CDH18: variants seen among roughly 807,000 people sequenced by gnomAD.
CDH18 encodes the protein cadherin 18.
A neutral mutation model predicts 67.9 loss-of-function variants in CDH18; 31 were observed. That is an observed-to-expected ratio of 0.46 (90% CI 0.34 to 0.62). The LOEUF (loss-of-function observed/expected upper bound fraction) is 0.62, where lower values mean the gene tolerates loss of function less well. CDH18 is among the 20% of genes least tolerant of loss of function. CDH18 has a pLI of 0.01. For missense variants in CDH18, 890 were observed against 975.5 expected (o/e 0.91, Z 1.17); for synonymous variants, 362 against 347.2 (o/e 1.04, Z -0.48).
At chr5:20,219,374 C>T (rs1000348201) in intron 2 of CDH18, among the ~76,000 whole-genome samples, 2 of 151,810 alleles carry the variant, frequency 1.3e-5, no homozygotes, top group African/African-American at 4.8e-5. Flanking sequence ...ACAATGTCAA[C>T]ACTGCTGAAT....
intron 2 of CDH18, among the ~76,000 whole-genome samples, chr5:19,902,199 T>C (rs1436527985): frequency 1.3e-5 from 2 of 152,148 alleles, no homozygotes; most frequent in Non-Finnish European, 1.5e-5. Flanking sequence ...GTCTTAAAAA[T>C]AGAACGACAC....
intron 1 of CDH18, among the ~76,000 whole-genome samples, chr5:20,316,215 G>C (rs1489936049): frequency 2.0e-5 from 3 of 152,140 alleles, no homozygotes; most frequent in South Asian, 2.1e-4. Context: ...AAATCCATGA[G>C]TTTAAATATT....
intron 1 of CDH18, among the ~76,000 whole-genome samples, chr5:20,462,137 A>C (rs1227384942): frequency 6.6e-6 from 1 of 152,210 alleles, no homozygotes; most frequent in Non-Finnish European, 1.5e-5. Context: ...TCATTGAATA[A>C]ATGAATAAAG....
intron 8 of CDH18, among the ~76,000 whole-genome samples, chr5:19,551,192 T>G (rs543492064): frequency 6.6e-6 from 1 of 152,206 alleles, no homozygotes; most frequent in East Asian, 1.9e-4. Context: ...GGGTGAGGGA[T>G]GGGCCACTTA....
intron 2 of CDH18, among the ~76,000 whole-genome samples, chr5:20,215,018 G>C (rs1740647917): frequency 6.6e-6 from 1 of 151,934 alleles, no homozygotes. Context: ...TCATTAAAAA[G>C]TTGGCAAAGG....
intron 3 of CDH18, among the ~76,000 whole-genome samples, chr5:19,759,217 C>T (rs968375426): frequency 2.6e-5 from 4 of 152,198 alleles, no homozygotes; most frequent in African/African-American, 9.6e-5. Context: ...CTCTCATTCT[C>T]CAAGATCCAC....
intron 2 of CDH18, among the ~76,000 whole-genome samples, chr5:20,153,225 G>T (rs1017840083): frequency 1.3e-5 from 2 of 151,902 alleles, no homozygotes; most frequent in African/African-American, 4.8e-5. Context: ...AATCTTAACG[G>T]TTAGCCAGCC....
At chr5:20,305,203 G>A in intron 1 of CDH18, 1 of 1,401,216 alleles carries the variant, frequency 7.1e-7, no homozygotes, top group Admixed American at 1.7e-5. Context: ...TCCTTCCAAA[G>A]GCTTCCCTCC....
At chr5:20,498,149 A>G (rs1037909142) in intron 1 of CDH18, among the ~76,000 whole-genome samples, 1 of 152,234 alleles carries the variant, frequency 6.6e-6, no homozygotes, top group South Asian at 2.1e-4. Context: ...GTGAACCAAG[A>G]CAATCCTTAT....
intron 2 of CDH18, among the ~76,000 whole-genome samples, chr5:19,913,972 T>G (rs1455534711): frequency 6.6e-6 from 1 of 152,136 alleles, no homozygotes; most frequent in Non-Finnish European, 1.5e-5. Context: ...GCGATTATTT[T>G]AGCTTCTATC....
chr5:19,914,817 GACA>G (rs1346897794), intron 2 of CDH18, among the ~76,000 whole-genome samples: 1 of 151,874 alleles, frequency 6.6e-6, no homozygotes, highest in Admixed American at 6.6e-5. Flanking sequence ...AAGAGCTGGA[GACA>G]ACACTTCTAA....
intron 8 of CDH18, among the ~76,000 whole-genome samples, chr5:19,568,979 A>G (rs990858441): frequency 2.0e-5 from 3 of 152,220 alleles, no homozygotes; most frequent in Non-Finnish European, 2.9e-5. Context: ...ATGTTGGAAC[A>G]TATAGAATAA....
At chr5:19,690,901 A>T (rs969578153) in intron 5 of CDH18, among the ~76,000 whole-genome samples, 1 of 151,894 alleles carries the variant, frequency 6.6e-6, no homozygotes, top group African/African-American at 2.4e-5. Flanking sequence ...TGAAGAGTAG[A>T]GAATTCTTCC....
chr5:20,291,409 G>A (rs564780819), intron 1 of CDH18, among the ~76,000 whole-genome samples: 18 of 152,262 alleles, frequency 1.2e-4, no homozygotes, highest in Admixed American at 3.3e-4. Context: ...AAGGGTGATG[G>A]TGGGGAACCA....
chr5:20,153,359 T>C (rs1404895361), intron 2 of CDH18, among the ~76,000 whole-genome samples: 2 of 152,038 alleles, frequency 1.3e-5, no homozygotes, highest in Admixed American at 1.3e-4. Flanking sequence ...AAGCCTAGAG[T>C]CTGTATTCTC....
chr5:20,482,705 AT>A (rs1752901089), intron 1 of CDH18, among the ~76,000 whole-genome samples: 1 of 152,122 alleles, frequency 6.6e-6, no homozygotes, highest in South Asian at 2.1e-4. Flanking sequence ...CTGAAAAAGC[AT>A]TTGATAAAGT....
Position 19,483,481 on chromosome 5 carries a change from T to A in CDH18, c.1702A>T (p.Ile568Phe). ...RTVQDVYYLP[I>F]MISDGGIPSL... The stretch of plus-strand genomic sequence containing the variant: ...GGGATTCCACCATCAGAGATCATAA[T>A]GGGCAGATAATACACATCCTGAACA... The change falls in exon 12 of 13, where the codon ATT becomes TTT. Residue 568 changes from isoleucine (I) to phenylalanine (F), a missense_variant. Physicochemically the swap from Ile to Phe is conservative, Grantham distance 21. Around this residue, in one of 2 missense-constraint regions of CDH18, gnomAD observed 656 missense variants for 668.1 expected, o/e 0.98. Transcript: ENST00000382275. 2 of 1,614,154 alleles carry A rather than the reference T, an allele frequency of 1.2e-6. No homozygotes were observed. Among genetic ancestry groups the A allele is most frequent in the South Asian group, 1.1e-5 (1 of 91,080 alleles).
intron 2 of CDH18, among the ~76,000 whole-genome samples, chr5:19,916,132 G>A (rs559756080): frequency 6.6e-6 from 1 of 152,060 alleles, no homozygotes; most frequent in African/African-American, 2.4e-5. Context: ...GAAGCCAAAG[G>A]GATCCTTTCA....
chr5:19,487,513 A>G lies in CDH18; in HGVS notation c.1631-3961T>C, dbSNP rs563229208. ...AATTAACAGAATGTTTACATGTCAT[A>G]TATGAATTTTGTTGACAAAAGGGCC... On this transcript the variant is annotated intron_variant, in intron 11 of 12. Coordinates refer to ENST00000382275, the MANE Select transcript of CDH18 (RefSeq NM_004934.5). 1.6e-4 allele frequency among the ~76,000 whole-genome samples: 24 copies of G among 152,320 alleles called. No homozygotes were observed. In the East Asian group the frequency reaches 2.5e-3, roughly 16 times the overall value.
Sources: gnomAD v4.1 joint callset for allele counts (sites outside exome capture counted in the v4.1 genomes callset) on GRCh38, gnomAD v4.1.1 for gene constraint, gnomAD v4.1.1 regional missense constraint, MANE v1.5 for transcripts, NCBI Gene and HGNC (gene_info 2026-07-23, HGNC 2026-07-21) for gene names.